Variants in FAM135B observed in about 807,000 individuals in gnomAD.
FAM135B encodes family with sequence similarity 135 member B.
In FAM135B, 43 loss-of-function variants were observed where a neutral mutation model predicts 127.7. That is an observed-to-expected ratio of 0.34 (90% CI 0.26 to 0.43). The LOEUF (loss-of-function observed/expected upper bound fraction) is 0.43, where lower values mean the gene tolerates loss of function less well. FAM135B is among the 20% of genes least tolerant of loss of function. The pLI is 1.00. For synonymous variants in FAM135B, 670 were observed against 665.1 expected, an observed-to-expected ratio of 1.01 and a Z score of -0.11; for missense variants, 1,558 against 1,725.6, an observed-to-expected ratio of 0.90 and a Z score of 1.72.
chr8:138,224,656 A>G (rs1819274860), intron 7 of FAM135B, among the ~76,000 whole-genome samples: 1 of 152,216 alleles, frequency 6.6e-6, no homozygotes, highest in Non-Finnish European at 1.5e-5. Flanking sequence ...AGCATATGTT[A>G]TGGACTTGAT....
intron 19 of FAM135B, among the ~76,000 whole-genome samples, chr8:138,133,885 C>G (rs934608376): frequency 2.6e-5 from 4 of 152,088 alleles, no homozygotes; most frequent in Non-Finnish European, 5.9e-5. Context: ...TCTTTTCCCC[C>G]CCTTCTTAGG....
chr8:138,200,743 T>C (rs1330022058), intron 7 of FAM135B, among the ~76,000 whole-genome samples: 1 of 152,230 alleles, frequency 6.6e-6, no homozygotes, highest in Non-Finnish European at 1.5e-5. Flanking sequence ...AAACATGCAC[T>C]GACACACTTA....
chr8:138,320,184 C>T (rs1233576586), intron 2 of FAM135B, among the ~76,000 whole-genome samples: 1 of 152,146 alleles, frequency 6.6e-6, no homozygotes, highest in African/African-American at 2.4e-5. Context: ...TAGGTTATGG[C>T]AATATATTAT....
At chr8:138,232,938 A>G (rs1820010368) in intron 7 of FAM135B, among the ~76,000 whole-genome samples, 1 of 152,016 alleles carries the variant, frequency 6.6e-6, no homozygotes, top group Non-Finnish European at 1.5e-5. Context: ...TTGAACAGCA[A>G]CCTCCCACTT....
intron 1 of FAM135B, among the ~76,000 whole-genome samples, chr8:138,375,851 C>T (rs1315250166): frequency 6.6e-6 from 1 of 152,060 alleles, no homozygotes; most frequent in African/African-American, 2.4e-5. Context: ...GGTCTTTCTC[C>T]CAGTAACAGG....
chr8:138,304,746 G>A (rs1474353478), intron 3 of FAM135B, among the ~76,000 whole-genome samples: 1 of 152,240 alleles, frequency 6.6e-6, no homozygotes, highest in Non-Finnish European at 1.5e-5. Flanking sequence ...GGATACAGTG[G>A]CAATGCTGGC....
chr8:138,495,151 C>A (rs565564523), intron 1 of FAM135B, among the ~76,000 whole-genome samples: 1 of 152,188 alleles, frequency 6.6e-6, no homozygotes, highest in Non-Finnish European at 1.5e-5. Flanking sequence ...TTGCACAAGA[C>A]ATCAGGTTTT....
intron 4 of FAM135B, among the ~76,000 whole-genome samples, chr8:138,258,421 T>C (rs1822278234): frequency 6.6e-6 from 1 of 152,228 alleles, no homozygotes; most frequent in Non-Finnish European, 1.5e-5. Flanking sequence ...CCAAGTGCTA[T>C]AAATAACTTC....
At position 138,153,220 on chromosome 8, in the gene FAM135B, C is replaced by CA. The variant is rs11311519; in HGVS notation, c.1259-5dup. Reference sequence around the variant, plus strand: ...GGATAAACACTCAAGTTATGCCCTACAAAAAAAAAAGAAAGAAAATTATAT... The same window carrying CA: ...GGATAAACACTCAAGTTATGCCCTACAAAAAAAAAAAGAAAGAAAATTATAT... On this transcript the variant is annotated splice_region_variant and splice_polypyrimidine_tract_variant and intron_variant, in intron 12 of 19. Transcript: ENST00000395297. 587 of 1,440,092 alleles carry CA rather than the reference C, an allele frequency of 4.1e-4. No homozygotes were observed. Among genetic ancestry groups the CA allele is most frequent in the South Asian group, 5.1e-4 (36 of 69,932 alleles). The allele number at this position is 1,440,092 out of a possible 1,614,324, so 89.2% of individuals were successfully genotyped here.
chr8:138,486,962 TTTTC>T (rs955709641), intron 1 of FAM135B, among the ~76,000 whole-genome samples: 5 of 151,956 alleles, frequency 3.3e-5, no homozygotes, highest in African/African-American at 7.3e-5. Flanking sequence ...TTCAGTTTTC[TTTTC>T]TTTTTTTTTT....
At chr8:138,221,319 G>A (rs916899185) in intron 7 of FAM135B, among the ~76,000 whole-genome samples, 3 of 151,998 alleles carry the variant, frequency 2.0e-5, no homozygotes, top group Admixed American at 6.6e-5. Flanking sequence ...AGTGTCACAC[G>A]CTTTCAAACA....
chr8:138,393,732 C>A (rs1281657805), intron 1 of FAM135B, among the ~76,000 whole-genome samples: 1 of 152,216 alleles, frequency 6.6e-6, no homozygotes, highest in Admixed American at 6.5e-5. Context: ...CTGTCCTCTG[C>A]TCCTTCACAT....
At chr8:138,361,368 A>G (rs752649640) in intron 2 of FAM135B, among the ~76,000 whole-genome samples, 2 of 152,186 alleles carry the variant, frequency 1.3e-5, no homozygotes, top group Non-Finnish European at 2.9e-5. Context: ...GATCCATGTG[A>G]CTCATCTGTA....
At chr8:138,328,401 C>CGAT (rs1827950434) in intron 2 of FAM135B, among the ~76,000 whole-genome samples, 1 of 152,086 alleles carries the variant, frequency 6.6e-6, no homozygotes, top group Non-Finnish European at 1.5e-5. Context: ...CAGACCTTGG[C>CGAT]GATGACCTTG....
chr8:138,457,970 A>G (rs1836891493), intron 1 of FAM135B, among the ~76,000 whole-genome samples: 2 of 139,668 alleles, frequency 1.4e-5, no homozygotes, highest in South Asian at 4.4e-4. Flanking sequence ...GCGAGACTCC[A>G]TCTCAAAAAA....
At chr8:138,323,009 A>G (rs1308222432) in intron 2 of FAM135B, among the ~76,000 whole-genome samples, 1 of 152,218 alleles carries the variant, frequency 6.6e-6, no homozygotes, top group African/African-American at 2.4e-5. Context: ...GTATGCGCCC[A>G]CCACTGTAGG....
intron 1 of FAM135B, among the ~76,000 whole-genome samples, chr8:138,466,797 A>C (rs2131634778): frequency 6.6e-6 from 1 of 152,332 alleles, no homozygotes; most frequent in South Asian, 2.1e-4. Context: ...ATGAGCTAAA[A>C]GTTTTACGTC....
At chr8:138,214,344 ACATGGTG>A (rs1818381954) in intron 7 of FAM135B, among the ~76,000 whole-genome samples, 1 of 152,244 alleles carries the variant, frequency 6.6e-6, no homozygotes, top group Non-Finnish European at 1.5e-5. Flanking sequence ...AGTATGCTTA[ACATGGTG>A]CATGTATGCA....
At chr8:138,156,068 T>C (rs1311024610) in intron 12 of FAM135B, among the ~76,000 whole-genome samples, 2 of 152,122 alleles carry the variant, frequency 1.3e-5, no homozygotes, top group Admixed American at 1.3e-4. Context: ...TCAGCAAATG[T>C]AAAAGAACAG....
Sources: gnomAD v4.1 joint callset for allele counts (sites outside exome capture counted in the v4.1 genomes callset) on GRCh38, gnomAD v4.1.1 for gene constraint, MANE v1.5 for transcripts, NCBI Gene and HGNC (gene_info 2026-07-23, HGNC 2026-07-21) for gene names.